Variants in TEX15 observed in about 807,000 individuals in gnomAD.
TEX15 encodes testis expressed 15, meiosis and synapsis associated.
Under a neutral mutation model 237.3 loss-of-function variants are expected in TEX15, and 171 were observed. The ratio of observed to expected loss-of-function variants is 0.72; its 90% CI spans 0.64 to 0.82. The LOEUF (loss-of-function observed/expected upper bound fraction) is 0.82, where lower values mean the gene tolerates loss of function less well. TEX15 is among the 40% of genes least tolerant of loss of function. The pLI is 0.00. For synonymous variants in TEX15, 1,338 were observed against 1,269.8 expected (o/e 1.05, Z -1.14); for missense variants, 3,750 against 3,646.5 (o/e 1.03, Z -0.73).
intron 7 of TEX15, among the ~76,000 whole-genome samples, chr8:30,849,528 C>T (rs1807721470): frequency 6.6e-6 from 1 of 152,020 alleles, no homozygotes; most frequent in African/African-American, 2.4e-5. Flanking sequence ...TTCTCCTCGT[C>T]TAGAAACCTT....
chr8:30,891,675 T>C (rs1331135432), intron 2 of TEX15, among the ~76,000 whole-genome samples: 3 of 152,084 alleles, frequency 2.0e-5, no homozygotes, highest in Non-Finnish European at 2.9e-5. Context: ...AGGTTCACCA[T>C]GTTGGCCAGG....
intron 2 of TEX15, among the ~76,000 whole-genome samples, chr8:30,893,446 GT>G (rs1162105350): frequency 6.6e-6 from 1 of 152,148 alleles, no homozygotes; most frequent in Admixed American, 6.5e-5. Context: ...TTACGGTTTT[GT>G]TTCTTCCCAT....
At chr8:30,833,364 AG>A in intron 10 of TEX15, 41 bp from the exon 11 acceptor site, 1 of 1,450,212 alleles carries the variant, frequency 6.9e-7, no homozygotes, top group African/African-American at 1.4e-5. Flanking sequence ...TAAATAATTT[AG>A]ACTAATGGTA....
At chr8:30,861,151 A>ATTT (rs1162047579) in intron 5 of TEX15, among the ~76,000 whole-genome samples, 1 of 152,186 alleles carries the variant, frequency 6.6e-6, no homozygotes, top group Admixed American at 6.5e-5. Flanking sequence ...TGAAATAAAG[A>ATTT]AGTGATTATT....
At chr8:30,867,233 C>T in intron 5 of TEX15, 32 bp downstream of exon 5, 1 of 1,059,174 alleles carries the variant, frequency 9.4e-7, no homozygotes, top group Non-Finnish European at 1.4e-6. Flanking sequence ...GCAAACTGTC[C>T]ATATACTTAA....
intron 1 of TEX15, among the ~76,000 whole-genome samples, chr8:30,912,368 C>T (rs970209003): frequency 6.6e-6 from 1 of 151,518 alleles, no homozygotes; most frequent in Non-Finnish European, 1.5e-5. Context: ...GATATCCCCA[C>T]GCACCACGAA....
intron 1 of TEX15, among the ~76,000 whole-genome samples, chr8:30,900,166 C>T (rs1298899361): frequency 1.3e-5 from 2 of 152,222 alleles, no homozygotes; most frequent in East Asian, 3.9e-4. Context: ...AACATCTTAT[C>T]CTTTACTGAC....
Position 30,846,078 on chromosome 8 carries a change from G to C in TEX15, c.4089C>G (p.Ile1363Met). The change falls in exon 8 of 11, where the codon ATC becomes ATG. Residue 1363 changes from isoleucine to methionine, a missense_variant. Coordinates refer to ENST00000643185, the MANE Select transcript of TEX15 (RefSeq NM_001350162.2). ...TACATAAAGATGCTTCATCACTTAG[G>C]ATATTTAGGACACTCTTAATGTGCT... is the stretch of plus-strand genomic sequence containing the variant. Reference protein sequence around the residue: ...SEKHIKSVLNILSDEASLCKS... With the variant: ...SEKHIKSVLNMLSDEASLCKS... The C allele has an allele frequency of 6.2e-7, 1 of 1,613,342 alleles. No individual in the cohort carries two copies. The highest frequency in any genetic ancestry group is 8.5e-7 in the Non-Finnish European group (1 of 1,179,570).
At chr8:30,906,262 G>A (rs1809101465) in intron 1 of TEX15, among the ~76,000 whole-genome samples, 2 of 152,010 alleles carry the variant, frequency 1.3e-5, no homozygotes, top group Non-Finnish European at 2.9e-5. Flanking sequence ...TTATTGACCT[G>A]GGAAGTCTTT....
intron 1 of TEX15, among the ~76,000 whole-genome samples, chr8:30,910,351 G>A (rs1809192097): frequency 6.6e-6 from 1 of 152,096 alleles, no homozygotes; most frequent in Non-Finnish European, 1.5e-5. Flanking sequence ...CTAGCTGCTA[G>A]GATTAAAATT....
intron 7 of TEX15, among the ~76,000 whole-genome samples, chr8:30,852,367 A>G (rs1389164220): frequency 6.6e-6 from 1 of 152,102 alleles, no homozygotes; most frequent in Admixed American, 6.5e-5. Context: ...TGCTAGGATT[A>G]CAAGTGTGAG....
At chr8:30,888,547 C>T in intron 2 of TEX15, 1 of 1,106,862 alleles carries the variant, frequency 9.0e-7, no homozygotes, top group Non-Finnish European at 1.2e-6. Context: ...TGATTCTTAA[C>T]CTCTTTAAGT....
rs762727017 is a variant in TEX15 at position 30,844,883 on chromosome 8, T to C, written c.5284A>G (p.Arg1762Gly). The change falls in exon 8 of 11, where the codon AGA becomes GGA. Residue 1762 changes from arginine (R) to glycine (G), a missense_variant. Coordinates refer to ENST00000643185, the MANE Select transcript of TEX15 (RefSeq NM_001350162.2). Reference protein sequence around the residue: ...STVPHCEQSCREKELLKTEQC... With the variant: ...STVPHCEQSCGEKELLKTEQC... ...TCTGTCTTTAGAAGCTCTTTTTCTCTACAGCTCTGCTCACAGTGTGGTACA... is the reference window on the plus strand; with the variant it reads ...TCTGTCTTTAGAAGCTCTTTTTCTCCACAGCTCTGCTCACAGTGTGGTACA... 6.2e-7 allele frequency: 1 copy of C among 1,613,498 alleles called. No individual in the cohort carries two copies. Among genetic ancestry groups the C allele is most frequent in the Non-Finnish European group, 8.5e-7 (1 of 1,179,574 alleles).
chr8:30,852,236 G>C (rs1160461949), intron 7 of TEX15, among the ~76,000 whole-genome samples: 1 of 148,742 alleles, frequency 6.7e-6, no homozygotes, highest in African/African-American at 2.5e-5. Context: ...TCTCCGAGTA[G>C]CTGGGACTAC....
chr8:30,835,317 C>T (rs907272054), intron 10 of TEX15, among the ~76,000 whole-genome samples: 6 of 152,052 alleles, frequency 3.9e-5, no homozygotes, highest in African/African-American at 1.4e-4. Context: ...TGTTTTGCCT[C>T]AAGTGAGCTG....
chr8:30,893,083 C>T (rs1289053138), intron 2 of TEX15, among the ~76,000 whole-genome samples: 7 of 151,160 alleles, frequency 4.6e-5, no homozygotes, highest in Admixed American at 6.6e-5. Flanking sequence ...ATGGCTAACA[C>T]GTATATAACA....
At chr8:30,899,685 G>C (rs149171053) in intron 1 of TEX15, among the ~76,000 whole-genome samples, 1 of 152,114 alleles carries the variant, frequency 6.6e-6, no homozygotes, top group Non-Finnish European at 1.5e-5. Flanking sequence ...TGATCTGTCC[G>C]CCTCAGCCTG....
chr8:30,842,883 T>C lies in TEX15; in HGVS notation c.7284A>G (p.Ile2428Met). Residue 2428 changes from isoleucine to methionine, a missense_variant, in exon 8 of 11, where the codon ATA (isoleucine) becomes ATG (methionine). Physicochemically the swap from Ile to Met is conservative, Grantham distance 10. Coordinates refer to ENST00000643185, the MANE Select transcript of TEX15 (RefSeq NM_001350162.2). ...AAATGATAGCCTCATGGCTGTGGTTTATCACCACGTCTAAAACATTTTCTT... is the reference window on the plus strand; with the variant it reads ...AAATGATAGCCTCATGGCTGTGGTTCATCACCACGTCTAAAACATTTTCTT... ...ITEENVLDVV[I>M]NHSHEAIILK... The C allele has an allele frequency of 6.2e-7, 1 of 1,610,738 alleles. No individual in the cohort carries two copies. The highest frequency in any genetic ancestry group is 1.1e-5 in the South Asian group (1 of 90,752).
At chr8:30,833,469 C>T in intron 10 of TEX15, 146 bp from the exon 11 acceptor site, 1 of 535,922 alleles carries the variant, frequency 1.9e-6, no homozygotes. Context: ...GTCATCAGGT[C>T]CTATGAAAGT....
Sources: gnomAD v4.1 joint callset for allele counts (sites outside exome capture counted in the v4.1 genomes callset) on GRCh38, gnomAD v4.1.1 for gene constraint, MANE v1.5 for transcripts, NCBI Gene and HGNC (gene_info 2026-07-23, HGNC 2026-07-21) for gene names.